VWA8: variants seen among roughly 807,000 people sequenced by gnomAD.
VWA8 encodes von Willebrand factor A domain-containing protein 8.
VWA8 carries 221 observed loss-of-function variants against 241.5 expected under a neutral mutation model. The ratio of observed to expected loss-of-function variants is 0.91; its 90% CI spans 0.82 to 1.02. The LOEUF (loss-of-function observed/expected upper bound fraction) is 1.02, where lower values mean the gene tolerates loss of function less well. VWA8 is among the 50% of genes least tolerant of loss of function. The probability of loss-of-function intolerance (pLI) is 0.00; values close to 1 mark genes in which losing one functional copy is unlikely to be tolerated. For synonymous variants in VWA8, 852 were observed against 827.1 expected (o/e 1.03, Z -0.52); for missense variants, 2,322 against 2,328.7 (o/e 1.00, Z 0.06).
At chr13:41,869,906 G>A (rs886805092) in intron 9 of VWA8, among the ~76,000 whole-genome samples, 1 of 152,040 alleles carries the variant, frequency 6.6e-6, no homozygotes, top group African/African-American at 2.4e-5. Flanking sequence ...CACTAGTTTT[G>A]GAACATTATT....
intron 12 of VWA8, among the ~76,000 whole-genome samples, chr13:41,855,311 T>C (rs9532938): frequency 0.085 from 12,428 of 145,396 alleles, 558 homozygotes; most frequent in East Asian, 0.11. Flanking sequence ...TAAATATATA[T>C]ATATTTATTT....
intron 37 of VWA8, among the ~76,000 whole-genome samples, chr13:41,658,932 A>T (rs1343957088): frequency 1.3e-5 from 2 of 152,208 alleles, no homozygotes; most frequent in South Asian, 2.1e-4. Context: ...CAGAGCTTTA[A>T]ATGAAACTCA....
chr13:41,573,486 A>AAATAAATAAATAAATATATATATATAT, intron 43 of VWA8, among the ~76,000 whole-genome samples: 5 of 113,612 alleles, frequency 4.4e-5, no homozygotes, highest in African/African-American at 1.0e-4. Flanking sequence ...AAAAAAAAAA[A>AAATAAATAAATAAATATATATATATAT]ATATATATAT....
At chr13:41,774,285 G>A (rs1043576823) in intron 20 of VWA8, among the ~76,000 whole-genome samples, 6 of 152,116 alleles carry the variant, frequency 3.9e-5, no homozygotes, top group Admixed American at 2.0e-4. Context: ...GACTGCAAGC[G>A]CATGCCACTT....
chr13:41,772,102 C>T (rs1416119838), intron 20 of VWA8, among the ~76,000 whole-genome samples: 1 of 151,956 alleles, frequency 6.6e-6, no homozygotes, highest in African/African-American at 2.4e-5. Context: ...GTTGGTCAGG[C>T]TGGTCTCGGA....
At chr13:41,897,805 C>A (rs1282488528) in intron 4 of VWA8, among the ~76,000 whole-genome samples, 1 of 151,952 alleles carries the variant, frequency 6.6e-6, no homozygotes, top group Admixed American at 6.5e-5. Flanking sequence ...TTGCAAAGAG[C>A]GAAAAAACAA....
intron 1 of VWA8, 63 bp from the exon 2 acceptor site, chr13:41,950,076 C>T: frequency 3.0e-6 from 3 of 1,005,084 alleles, no homozygotes; most frequent in Non-Finnish European, 4.4e-6. Context: ...ATAGACTATG[C>T]AACAATGCTT....
At chr13:41,801,111 T>C (rs1415516935) in intron 17 of VWA8, among the ~76,000 whole-genome samples, 1 of 151,844 alleles carries the variant, frequency 6.6e-6, no homozygotes, top group Non-Finnish European at 1.5e-5. Flanking sequence ...ATTTCTTAGA[T>C]CAACTCTTAT....
chr13:41,670,226 G>A (rs2045012870), intron 37 of VWA8, among the ~76,000 whole-genome samples: 1 of 151,878 alleles, frequency 6.6e-6, no homozygotes, highest in African/African-American at 2.4e-5. Flanking sequence ...TTGTTCCAAA[G>A]ATTAAAATAA....
chr13:41,611,338 A>G (rs1486016876), intron 39 of VWA8, among the ~76,000 whole-genome samples: 1 of 152,238 alleles, frequency 6.6e-6, no homozygotes, highest in Non-Finnish European at 1.5e-5. Context: ...AGGAACAGAT[A>G]GACATGGATG....
chr13:41,792,146 G>C (rs2137949288), intron 17 of VWA8, among the ~76,000 whole-genome samples: 1 of 151,906 alleles, frequency 6.6e-6, no homozygotes, highest in South Asian at 2.1e-4. Context: ...TTTAAACTTT[G>C]CATAAATATC....
chr13:41,620,554 G>T (rs188070258), intron 37 of VWA8, among the ~76,000 whole-genome samples: 16 of 152,120 alleles, frequency 1.1e-4, no homozygotes, highest in African/African-American at 3.6e-4. Flanking sequence ...TCTTTTAATT[G>T]TGTTTTTAGG....
intron 37 of VWA8, among the ~76,000 whole-genome samples, chr13:41,624,657 A>T (rs2044677605): frequency 6.6e-6 from 1 of 152,216 alleles, no homozygotes; most frequent in Non-Finnish European, 1.5e-5. Context: ...CAAACTAGGC[A>T]TTAAAGAAAC....
chr13:41,922,051 G>A (rs553730878), intron 2 of VWA8, among the ~76,000 whole-genome samples: 3 of 152,044 alleles, frequency 2.0e-5, no homozygotes, highest in Admixed American at 6.6e-5. Flanking sequence ...AAGGCTACAG[G>A]AACCAAAACA....
At chr13:41,642,454 G>A (rs899515751) in intron 37 of VWA8, among the ~76,000 whole-genome samples, 9 of 151,440 alleles carry the variant, frequency 5.9e-5, no homozygotes, top group African/African-American at 2.2e-4. Context: ...AGCTACTCGG[G>A]AGGCTGAGGC....
At chr13:41,946,806 A>C (rs1302185336) in intron 2 of VWA8, among the ~76,000 whole-genome samples, 1 of 152,182 alleles carries the variant, frequency 6.6e-6, no homozygotes, top group Non-Finnish European at 1.5e-5. Context: ...CTTCTTGCCC[A>C]AACTTTAGTC....
Position 41,570,435 on chromosome 13 carries a change from C to A in VWA8, c.5609+33G>T, listed in dbSNP as rs370524361. The A allele has an allele frequency of 2.0e-5, 32 of 1,579,904 alleles. No homozygotes were observed. The South Asian group carries it at 3.0e-4, about 15-fold the overall frequency. ...TGTTAGCTACTCAGTATCTCTGTAC[C>A]TGCCCTTTTCTGTATGCTCAGATGA... is the stretch of plus-strand genomic sequence containing the variant. On this transcript the variant is annotated intron_variant, in intron 44 of 44. Coordinates refer to ENST00000379310, the MANE Select transcript of VWA8 (RefSeq NM_015058.2).
At chr13:41,834,974 C>T (rs1157805573) in intron 12 of VWA8, among the ~76,000 whole-genome samples, 1 of 152,060 alleles carries the variant, frequency 6.6e-6, no homozygotes, top group Non-Finnish European at 1.5e-5. Flanking sequence ...AGCAAACTAA[C>T]CCAGGAACAG....
intron 20 of VWA8, among the ~76,000 whole-genome samples, chr13:41,775,260 T>C (rs1275495170): frequency 6.6e-6 from 1 of 152,190 alleles, no homozygotes; most frequent in East Asian, 1.9e-4. Context: ...GGTATTATAA[T>C]ATAACACTGA....
Sources: allele counts gnomAD v4.1 joint callset (sites outside exome capture counted in the v4.1 genomes callset), GRCh38; gene constraint gnomAD v4.1.1; transcripts MANE v1.5; gene names NCBI Gene and HGNC (gene_info 2026-07-23, HGNC 2026-07-21).